Variants in KDM6A observed in about 807,000 individuals in gnomAD.
KDM6A encodes the protein lysine-specific demethylase 6A.
In KDM6A, 11 loss-of-function variants were observed where a neutral mutation model predicts 117.6. That is an observed-to-expected ratio of 0.09 (90% CI 0.06 to 0.15). The LOEUF (loss-of-function observed/expected upper bound fraction) is 0.15. Among genes scored for constraint, KDM6A ranks in the 10% least tolerant of loss-of-function variants. The pLI is 1.00. For synonymous variants in KDM6A, 384 were observed against 396.1 expected, an observed-to-expected ratio of 0.97 and a Z score of 0.36; for missense variants, 799 against 1,077.3, an observed-to-expected ratio of 0.74 and a Z score of 3.62.
chrX:44,942,183 C>T (rs780204287), intron 2 of KDM6A, among the ~76,000 whole-genome samples: 13 of 109,817 alleles, frequency 1.2e-4, no homozygotes, highest in East Asian at 2.9e-4. Context: ...TACAGGTGCG[C>T]GCCACCACGC....
At chrX:44,973,280 G>C (rs1170521553) in intron 3 of KDM6A, among the ~76,000 whole-genome samples, 2 of 111,462 alleles carry the variant, frequency 1.8e-5, no homozygotes, top group African/African-American at 6.5e-5. Flanking sequence ...CATAGCTGCT[G>C]TCCTGGGATC....
At chrX:45,104,820 T>C (rs1315893880) in intron 27 of KDM6A, among the ~76,000 whole-genome samples, 1 of 112,351 alleles carries the variant, frequency 8.9e-6, no homozygotes, top group East Asian at 2.8e-4. Flanking sequence ...ATATAAAATA[T>C]AAATTCTGGA....
At chrX:44,894,914 C>T (rs2033692813) in intron 2 of KDM6A, among the ~76,000 whole-genome samples, 1 of 108,388 alleles carries the variant, frequency 9.2e-6, no homozygotes, top group African/African-American at 3.4e-5. Context: ...TTACAGGCAC[C>T]CGCCATCATG....
At chrX:45,062,962 A>G (rs916534496) in intron 16 of KDM6A, among the ~76,000 whole-genome samples, 9 of 111,922 alleles carry the variant, frequency 8.0e-5, no homozygotes, top group Non-Finnish European at 1.7e-4. Flanking sequence ...TATTTTATTT[A>G]TTTACATGAT....
chrX:45,050,415 G>T (rs1325981896), intron 8 of KDM6A, among the ~76,000 whole-genome samples: 2 of 112,283 alleles, frequency 1.8e-5, no homozygotes, highest in Admixed American at 1.9e-4. Flanking sequence ...TTAGCGGTGT[G>T]TGTGTGTGTA....
At chrX:45,018,067 GA>G (rs2042034647) in intron 5 of KDM6A, among the ~76,000 whole-genome samples, 1 of 111,504 alleles carries the variant, frequency 9.0e-6, no homozygotes, top group African/African-American at 3.3e-5. Flanking sequence ...GGTAGAAGAA[GA>G]AATGGAGTTG....
intron 6 of KDM6A, among the ~76,000 whole-genome samples, chrX:45,034,484 C>T (rs1463654805): frequency 8.9e-6 from 1 of 111,771 alleles, no homozygotes; most frequent in Non-Finnish European, 1.9e-5. Flanking sequence ...TATGACAATA[C>T]TCATAGTGAT....
At chrX:45,045,263 C>A (rs889345450) in intron 8 of KDM6A, among the ~76,000 whole-genome samples, 15 of 111,195 alleles carry the variant, frequency 1.3e-4, no homozygotes, top group Middle Eastern at 4.7e-3. Flanking sequence ...TACTTTCTGT[C>A]TCTGTGAGTT....
chrX:45,109,755 G>A (rs1360569921), intron 28 of KDM6A, among the ~76,000 whole-genome samples: 4 of 111,547 alleles, frequency 3.6e-5, no homozygotes, highest in Non-Finnish European at 7.5e-5. Context: ...ACTTATGTCT[G>A]ATTGTATACT....
At chrX:45,111,160 A>T (rs1395191189) in intron 29 of KDM6A, among the ~76,000 whole-genome samples, 1 of 111,377 alleles carries the variant, frequency 9.0e-6, no homozygotes, top group Non-Finnish European at 1.9e-5. Flanking sequence ...GTGAAGAAGT[A>T]TAGAAAATTG....
chrX:45,109,130 AATAAT>A (rs1569542355), intron 28 of KDM6A, among the ~76,000 whole-genome samples: 2 of 101,719 alleles, frequency 2.0e-5, no homozygotes, highest in East Asian at 5.9e-4. Context: ...TTAAAAAAAT[AATAAT>A]AATAATAAAT....
chrX:45,052,258 T>C (rs1158245607), intron 9 of KDM6A, among the ~76,000 whole-genome samples: 1 of 112,115 alleles, frequency 8.9e-6, no homozygotes, highest in Non-Finnish European at 1.9e-5. Context: ...ATCTATTCAT[T>C]TGGATGTCAT....
At chrX:45,041,564 C>T (rs1395576759) in intron 8 of KDM6A, among the ~76,000 whole-genome samples, 1 of 110,753 alleles carries the variant, frequency 9.0e-6, no homozygotes, top group East Asian at 2.9e-4. Context: ...AGGGTTTCCT[C>T]ACTTCTCAGA....
At chrX:44,910,784 C>T (rs2035053832) in intron 2 of KDM6A, among the ~76,000 whole-genome samples, 1 of 110,948 alleles carries the variant, frequency 9.0e-6, no homozygotes, top group Non-Finnish European at 1.9e-5. Context: ...TGAGTGGACA[C>T]AGCACATGTT....
intron 8 of KDM6A, among the ~76,000 whole-genome samples, chrX:45,042,630 A>G (rs1374297521): frequency 2.7e-5 from 3 of 110,919 alleles, no homozygotes; most frequent in Non-Finnish European, 5.7e-5. Flanking sequence ...GTTCAAGGGA[A>G]GTTTCTCTAC....
intron 2 of KDM6A, among the ~76,000 whole-genome samples, chrX:44,888,797 T>C (rs1349962375): frequency 8.9e-6 from 1 of 111,781 alleles, no homozygotes. Context: ...ATTCTAGGCA[T>C]AATCACTGTA....
At chrX:45,012,446 G>A (rs908406444) in intron 5 of KDM6A, among the ~76,000 whole-genome samples, 18 of 108,301 alleles carry the variant, frequency 1.7e-4, no homozygotes, top group African/African-American at 5.4e-4. Flanking sequence ...CAAGTGATCC[G>A]CCCACCTCAG....
chrX:45,051,305 G>C (rs2043836718), intron 8 of KDM6A, among the ~76,000 whole-genome samples: 1 of 111,973 alleles, frequency 8.9e-6, no homozygotes, highest in African/African-American at 3.2e-5. Flanking sequence ...ACCACACCCA[G>C]CCTGACATGT....
At chrX:44,986,660 C>T (rs1451459028) in intron 4 of KDM6A, among the ~76,000 whole-genome samples, 2 of 111,798 alleles carry the variant, frequency 1.8e-5, no homozygotes, top group Non-Finnish European at 3.8e-5. Flanking sequence ...GCCTTCATTT[C>T]ATTATGTACC....
Sources: gnomAD v4.1 joint callset for allele counts (sites outside exome capture counted in the v4.1 genomes callset) on GRCh38, gnomAD v4.1.1 for gene constraint, MANE v1.5 for transcripts, NCBI Gene and HGNC (gene_info 2026-07-23, HGNC 2026-07-21) for gene names.